The following ASCC3 variants were observed in gnomAD, a reference collection of about 807,000 sequenced individuals.
ASCC3 encodes activating signal cointegrator 1 complex subunit 3, also known as ASC-1 complex subunit P200.
In ASCC3, 158 loss-of-function variants were observed where a neutral mutation model predicts 256.3. The ratio of observed to expected loss-of-function variants is 0.62; its 90% CI spans 0.54 to 0.70. The LOEUF (loss-of-function observed/expected upper bound fraction) is 0.70, where lower values mean the gene tolerates loss of function less well. ASCC3 is among the 30% of genes least tolerant of loss of function. The probability of loss-of-function intolerance (pLI) is 0.00; values close to 1 mark genes in which losing one functional copy is unlikely to be tolerated. For synonymous variants in ASCC3, 948 were observed against 883.4 expected (o/e 1.07, Z -1.30); for missense variants, 2,259 against 2,626.0 (o/e 0.86, Z 3.05).
At chr6:100,770,502 G>GA (rs11337645) in intron 8 of ASCC3, among the ~76,000 whole-genome samples, 10 of 146,254 alleles carry the variant, frequency 6.8e-5, no homozygotes, top group South Asian at 4.2e-4. Flanking sequence ...AGGGGAAAAA[G>GA]AAAAAAAAAA....
Position 100,864,201 on chromosome 6 carries a change from T to G in ASCC3, c.104A>C (p.Lys35Thr). The change falls in exon 3 of 42, where the codon AAA (lysine) becomes ACA (threonine). Residue 35 changes from lysine to threonine, a missense_variant. By Grantham distance (78) the Lys-to-Thr change is moderately conservative (BLOSUM62 -1). Transcript: ENST00000369162. ...EVADLKIKRS[K>T]LHEQVLDLGL... ...CAAATCTAAAACTTGTTCATGAAGT[T>G]TAGATCGCTTTATCTGAAACAGAGA... 6.2e-7 allele frequency: 1 copy of G among 1,603,064 alleles called. No homozygotes were observed. The highest frequency in any genetic ancestry group is 8.5e-7 in the Non-Finnish European group (1 of 1,172,868).
At chr6:100,860,274 T>C (rs846794) in intron 3 of ASCC3, among the ~76,000 whole-genome samples, 107,120 of 151,708 alleles carry the variant, frequency 0.71, 38,052 homozygotes, top group East Asian at 0.75. Context: ...ATGCCTACAA[T>C]GAGTATTTGA....
intron 14 of ASCC3, among the ~76,000 whole-genome samples, chr6:100,676,750 GCACACACACACTCA>G (rs1025099549): frequency 4.3e-5 from 5 of 115,268 alleles, no homozygotes; most frequent in African/African-American, 1.7e-4. Context: ...GCGCGTGCGC[GCACACACACACTCA>G]CACACACACA....
At chr6:100,742,520 T>C (rs538835539) in intron 10 of ASCC3, among the ~76,000 whole-genome samples, 2 of 152,274 alleles carry the variant, frequency 1.3e-5, no homozygotes, top group South Asian at 4.1e-4. Flanking sequence ...CTGCAGGAGC[T>C]CCATCCCAGG....
chr6:100,683,991 C>G (rs1777434596), intron 13 of ASCC3, among the ~76,000 whole-genome samples: 1 of 151,986 alleles, frequency 6.6e-6, no homozygotes, highest in Admixed American at 6.5e-5. Context: ...GAGTTCTGGT[C>G]CTGTTATTTG....
At chr6:100,858,499 T>G (rs2114531558) in intron 3 of ASCC3, 1 of 831,542 alleles carries the variant, frequency 1.2e-6, no homozygotes, top group African/African-American at 1.9e-5. Flanking sequence ...CTATTCCTAG[T>G]TTGCTGAGAT....
chr6:100,753,940 A>G (rs1324270552), intron 10 of ASCC3, among the ~76,000 whole-genome samples: 2 of 152,164 alleles, frequency 1.3e-5, no homozygotes, highest in Non-Finnish European at 2.9e-5. Flanking sequence ...TGGTCACTAT[A>G]TGACACTGCA....
intron 8 of ASCC3, among the ~76,000 whole-genome samples, chr6:100,773,016 C>T (rs1582841796): frequency 1.3e-5 from 2 of 152,154 alleles, no homozygotes; most frequent in Non-Finnish European, 2.9e-5. Context: ...GAGTCCTTTA[C>T]ATAAAATATC....
chr6:100,542,458 G>A (rs1775507631), intron 36 of ASCC3, among the ~76,000 whole-genome samples: 2 of 152,102 alleles, frequency 1.3e-5, no homozygotes, highest in Admixed American at 1.3e-4. Context: ...TGAGGCCAGC[G>A]GATCACGAGG....
intron 30 of ASCC3, among the ~76,000 whole-genome samples, chr6:100,618,339 G>A (rs1407480942): frequency 6.6e-6 from 1 of 152,150 alleles, no homozygotes; most frequent in Non-Finnish European, 1.5e-5. Flanking sequence ...TATTACTGGA[G>A]GACAGAAAGG....
chr6:100,792,622 A>G (rs751414359), intron 8 of ASCC3, among the ~76,000 whole-genome samples: 7 of 151,958 alleles, frequency 4.6e-5, no homozygotes, highest in African/African-American at 1.2e-4. Flanking sequence ...AACTATTTAT[A>G]TATCTGGAAA....
chr6:100,540,520 C>T, intron 36 of ASCC3, 133 bp from the exon 37 acceptor site: 1 of 731,642 alleles, frequency 1.4e-6, no homozygotes, highest in Non-Finnish European at 2.3e-6. Flanking sequence ...TTTGCTTGTT[C>T]AATATTATCA....
chr6:100,778,775 C>T (rs1782314247), intron 8 of ASCC3, among the ~76,000 whole-genome samples: 1 of 152,078 alleles, frequency 6.6e-6, no homozygotes, highest in South Asian at 2.1e-4. Flanking sequence ...AATTGAATAA[C>T]TTGGTGTTCC....
chr6:100,842,427 G>A (rs1041793333), intron 4 of ASCC3, among the ~76,000 whole-genome samples: 38 of 152,182 alleles, frequency 2.5e-4, no homozygotes, highest in African/African-American at 9.1e-4. Flanking sequence ...TCATTCTCAT[G>A]TTCTCATGAG....
intron 4 of ASCC3, among the ~76,000 whole-genome samples, chr6:100,822,672 T>G (rs530935621): frequency 6.6e-6 from 1 of 152,116 alleles, no homozygotes; most frequent in Non-Finnish European, 1.5e-5. Flanking sequence ...AAAATTCAAA[T>G]AGATAACTAC....
At chr6:100,625,874 A>T (rs1774207142) in intron 29 of ASCC3, among the ~76,000 whole-genome samples, 2 of 152,094 alleles carry the variant, frequency 1.3e-5, no homozygotes, top group Non-Finnish European at 2.9e-5. Context: ...ACAGGTTAAG[A>T]GATAAATCAG....
At chr6:100,730,849 C>T (rs1344947091) in intron 10 of ASCC3, among the ~76,000 whole-genome samples, 1 of 152,104 alleles carries the variant, frequency 6.6e-6, no homozygotes, top group East Asian at 1.9e-4. Context: ...CCTTCTCTCC[C>T]ATCAATTCAC....
At chr6:100,879,539 C>G (rs1769176318) in intron 1 of ASCC3, among the ~76,000 whole-genome samples, 1 of 152,184 alleles carries the variant, frequency 6.6e-6, no homozygotes, top group African/African-American at 2.4e-5. Flanking sequence ...GTAATCCCAG[C>G]ACTTTGGGAG....
chr6:100,679,534 T>A, intron 14 of ASCC3, 84 bp downstream of exon 14: 2 of 1,586,098 alleles, frequency 1.3e-6, no homozygotes, highest in Non-Finnish European at 1.7e-6. Flanking sequence ...TCTTGGAAAT[T>A]GAGACCGTGG....
Sources: allele counts gnomAD v4.1 joint callset (sites outside exome capture counted in the v4.1 genomes callset), GRCh38; gene constraint gnomAD v4.1.1; transcripts MANE v1.5; gene names NCBI Gene and HGNC (gene_info 2026-07-23, HGNC 2026-07-21).